The following CSMD1 variants were observed in gnomAD, a reference collection of about 807,000 sequenced individuals.
CSMD1 encodes CUB and Sushi multiple domains 1.
Under a neutral mutation model 417.5 loss-of-function variants are expected in CSMD1, and 213 were observed. That is an observed-to-expected ratio of 0.51 (90% CI 0.46 to 0.57). The LOEUF is 0.57. Ranked by LOEUF, CSMD1 falls within the 20% of genes least tolerant of loss-of-function variation. CSMD1 has a pLI of 0.00. For missense variants in CSMD1, 6,923 were observed against 4,529.7 expected, an observed-to-expected ratio of 1.53 and a Z score of -15.17; for synonymous variants, 2,862 against 1,736.8, an observed-to-expected ratio of 1.65 and a Z score of -16.11.
intron 6 of CSMD1, among the ~76,000 whole-genome samples, chr8:3,727,463 C>T (rs1006494467): frequency 1.3e-5 from 2 of 152,098 alleles, no homozygotes. Context: ...CCAATGTGTG[C>T]ATTAAAAATG....
rs533506712 is a variant in CSMD1, at chr8:3,275,423, C to G, written c.4153+8721G>C. 7.2e-5 allele frequency among the ~76,000 whole-genome samples: 11 copies of G among 152,168 alleles called. No individual in the cohort carries two copies. The East Asian group carries it at 1.5e-3, about 21-fold the overall frequency. On this transcript the variant is annotated intron_variant, in intron 26 of 69. Transcript: ENST00000635120. The stretch of plus-strand genomic sequence containing the variant: ...TTATGTGTCTTGGTGTTGCTCTTCT[C>G]GAGGAGTATCTTTGTGGCATTCTCT...
chr8:4,396,944 T>A (rs1249201991), intron 3 of CSMD1, among the ~76,000 whole-genome samples: 2 of 152,036 alleles, frequency 1.3e-5, no homozygotes, highest in Non-Finnish European at 2.9e-5. Flanking sequence ...ACTGCCTGGG[T>A]GATGAGTGCA....
At chr8:4,561,788 T>C (rs1285261845) in intron 2 of CSMD1, among the ~76,000 whole-genome samples, 1 of 152,208 alleles carries the variant, frequency 6.6e-6, no homozygotes, top group African/African-American at 2.4e-5. Context: ...CTCATTTGAC[T>C]TGATGAGGCA....
chr8:3,762,979 G>A (rs1798092676), intron 5 of CSMD1, among the ~76,000 whole-genome samples: 1 of 152,186 alleles, frequency 6.6e-6, no homozygotes. Context: ...ATCTCACCAT[G>A]ACATTTGGTG....
chr8:4,473,955 G>T (rs916837138), intron 2 of CSMD1, among the ~76,000 whole-genome samples: 8 of 152,008 alleles, frequency 5.3e-5, no homozygotes, highest in African/African-American at 1.9e-4. Flanking sequence ...TTCTACTGGG[G>T]GGAGGATTTA....
chr8:4,442,466 A>G (rs1398673426), intron 2 of CSMD1, among the ~76,000 whole-genome samples: 1 of 152,184 alleles, frequency 6.6e-6, no homozygotes, highest in Non-Finnish European at 1.5e-5. Context: ...TTACATGCTT[A>G]TCTACAAGCA....
At chr8:4,639,503 G>T (rs979050666) in intron 1 of CSMD1, among the ~76,000 whole-genome samples, 1 of 152,072 alleles carries the variant, frequency 6.6e-6, no homozygotes, top group South Asian at 2.1e-4. Context: ...TAAGTAGCTC[G>T]CAAAAACTGT....
At chr8:4,053,399 C>G (rs1037077470) in intron 3 of CSMD1, among the ~76,000 whole-genome samples, 6 of 151,086 alleles carry the variant, frequency 4.0e-5, no homozygotes, top group African/African-American at 1.2e-4. Flanking sequence ...CTGCCTCTAC[C>G]TTGGTGTGAA....
At chr8:4,632,827 C>T (rs150336458) in intron 2 of CSMD1, among the ~76,000 whole-genome samples, 28 of 152,226 alleles carry the variant, frequency 1.8e-4, no homozygotes, top group African/African-American at 6.7e-4. Context: ...TTTTGAAAGA[C>T]GCATACTATT....
chr8:3,357,789 G>C (rs575268844), intron 21 of CSMD1, among the ~76,000 whole-genome samples: 3 of 152,148 alleles, frequency 2.0e-5, no homozygotes, highest in Non-Finnish European at 4.4e-5. Context: ...TGAGATAACA[G>C]TCAAAATTTG....
At chr8:3,570,987 ATATT>A (rs1479695458) in intron 10 of CSMD1, among the ~76,000 whole-genome samples, 1 of 152,210 alleles carries the variant, frequency 6.6e-6, no homozygotes, top group Non-Finnish European at 1.5e-5. Flanking sequence ...TAGAATAAAA[ATATT>A]TATGATTATT....
chr8:3,292,414 G>A (rs1803647127), intron 25 of CSMD1, among the ~76,000 whole-genome samples: 1 of 152,116 alleles, frequency 6.6e-6, no homozygotes, highest in African/African-American at 2.4e-5. Context: ...TCTGTCTAAT[G>A]TTGACAGTGG....
At position 3,229,918 on chromosome 8, in the gene CSMD1, A is replaced by G. The variant is rs1033026655; in HGVS notation, c.4345+122T>C. The stretch of plus-strand genomic sequence containing the variant: ...AAAATTTCAGGAGTCTCAGAGAGCC[A>G]GAGAACATGAAAGAAACTCTTGAGA... On this transcript the variant is annotated intron_variant, in intron 27 of 69. Transcript: ENST00000635120. The G allele has an allele frequency of 1.3e-5, 9 of 693,918 alleles. No homozygotes were observed. The Admixed American group carries it at 3.1e-4, about 24-fold the overall frequency. 43.0% of individuals were successfully genotyped at this position (693,918 alleles called of 1,614,324 possible).
chr8:3,495,390 C>T (rs945173251), intron 10 of CSMD1, among the ~76,000 whole-genome samples: 1 of 151,812 alleles, frequency 6.6e-6, no homozygotes, highest in Non-Finnish European at 1.5e-5. Flanking sequence ...TCATGTTTGG[C>T]TGATTTGCAA....
chr8:3,394,596 T>C (rs1288142094), intron 17 of CSMD1, among the ~76,000 whole-genome samples: 2 of 147,656 alleles, frequency 1.4e-5, no homozygotes, highest in East Asian at 2.0e-4. Context: ...GCACTATATA[T>C]CTAAGAGTCA....
At chr8:3,708,303 G>A (rs1301336828) in intron 7 of CSMD1, 111 bp downstream of exon 7, 4 of 799,004 alleles carry the variant, frequency 5.0e-6, no homozygotes, top group Non-Finnish European at 8.4e-6. Context: ...TAGAAAAGAA[G>A]GAAGAGATAA....
chr8:3,185,959 T>C (rs1484509475), intron 36 of CSMD1, among the ~76,000 whole-genome samples: 3 of 152,198 alleles, frequency 2.0e-5, no homozygotes, highest in South Asian at 4.1e-4. Context: ...TCTCTCTGAT[T>C]TGTCTAGCTA....
At chr8:3,939,637 G>A (rs1002867689) in intron 5 of CSMD1, among the ~76,000 whole-genome samples, 2 of 152,112 alleles carry the variant, frequency 1.3e-5, no homozygotes, top group African/African-American at 4.8e-5. Context: ...CAGCCAATTA[G>A]CAGATAAAGA....
intron 23 of CSMD1, among the ~76,000 whole-genome samples, chr8:3,336,293 A>G (rs1349761907): frequency 1.3e-5 from 2 of 152,082 alleles, no homozygotes; most frequent in African/African-American, 4.8e-5. Flanking sequence ...AGGCCCCTGA[A>G]CCCTGAGAAC....
Sources: allele counts gnomAD v4.1 joint callset (sites outside exome capture counted in the v4.1 genomes callset), GRCh38; gene constraint gnomAD v4.1.1; transcripts MANE v1.5; gene names NCBI Gene and HGNC (gene_info 2026-07-23, HGNC 2026-07-21).